DNAH17: variants seen among roughly 807,000 people sequenced by gnomAD.
DNAH17 encodes the protein dynein axonemal heavy chain 17, also known as axonemal beta dynein heavy chain 17.
A neutral mutation model predicts 485.6 loss-of-function variants in DNAH17; 376 were observed. The ratio of observed to expected loss-of-function variants is 0.77; its 90% confidence interval spans 0.71 to 0.84. The LOEUF (loss-of-function observed/expected upper bound fraction) is 0.84, where lower values mean the gene tolerates loss of function less well. DNAH17 is among the 40% of genes least tolerant of loss of function. The pLI is 0.00. For missense variants in DNAH17, 6,370 were observed against 5,839.3 expected, an observed-to-expected ratio of 1.09 and a Z score of -2.96; for synonymous variants, 3,031 against 2,405.9, an observed-to-expected ratio of 1.26 and a Z score of -7.60.
In DNAH17 at chr17:78,480,841, C is replaced by G; in HGVS notation, c.7650-55G>C. ...GCCCCTGGCCTGGAGGAACCATCCC[C>G]TGCCCCCACTGTGCTCCCAAGAATG... On this transcript the variant is annotated intron_variant, in intron 48 of 80. Transcript: ENST00000389840. 3 of 1,239,414 alleles carry G rather than the reference C, an allele frequency of 2.4e-6. No individual in the cohort carries two copies. In the South Asian group the frequency reaches 3.8e-5, roughly 16 times the overall value. 76.8% of individuals were successfully genotyped at this position (1,239,414 alleles called of 1,614,324 possible). A position where few individuals can be genotyped will look rare whatever the true frequency, so the allele number is the denominator to read the frequency against.
At chr17:78,518,334 A>T (rs760217670) in intron 25 of DNAH17, among the ~76,000 whole-genome samples, 1 of 152,204 alleles carries the variant, frequency 6.6e-6, no homozygotes, top group Non-Finnish European at 1.5e-5. Context: ...AACAATAGAA[A>T]AAACAGAAGT....
At chr17:78,427,858 T>C (rs1258443749) in intron 77 of DNAH17, among the ~76,000 whole-genome samples, 3 of 149,024 alleles carry the variant, frequency 2.0e-5, no homozygotes, top group African/African-American at 5.0e-5. Context: ...AATCCCAGCC[T>C]GGGAGGCTGA....
intron 19 of DNAH17, 65 bp downstream of exon 19, chr17:78,537,234 C>G (rs899246413): frequency 6.7e-7 from 1 of 1,487,836 alleles, no homozygotes; most frequent in Non-Finnish European, 9.1e-7. Context: ...CGAGTTAGGG[C>G]GGCAACACCA....
rs1035524555 is a variant in DNAH17, at chr17:78,499,041, G to A, written c.5712C>T (p.Ile1904=). The change falls in exon 37 of 81, where the codon ATC becomes ATT. Residue 1904 remains isoleucine (I), a synonymous_variant. Coordinates refer to ENST00000389840, the MANE Select transcript of DNAH17 (RefSeq NM_173628.4). The part of the protein sequence containing the change: ...AWGCFDEFNR[I]SVEVLSVIAV... ...CAATCACAGACAAGACTTCCACTGA[G>A]ATGCGATTAAACTCGTCAAAGCAGC... is the stretch of plus-strand genomic sequence containing the variant. 6.2e-7 allele frequency: 1 copy of A among 1,611,230 alleles called. No individual in the cohort carries two copies. The highest frequency in any genetic ancestry group is 1.3e-5 in the African/African-American group (1 of 74,916).
At chr17:78,426,902 G>A (rs1428277860) in intron 78 of DNAH17, 24 bp downstream of exon 78, 3 of 1,582,384 alleles carry the variant, frequency 1.9e-6, no homozygotes, top group Non-Finnish European at 2.6e-6. Flanking sequence ...CCACGTCCCT[G>A]GGGCCGGGCT....
At position 78,569,487 on chromosome 17, in the gene DNAH17, A is replaced by G; in HGVS notation, c.1085T>C (p.Leu362Pro). 1 of 1,610,512 alleles carries G rather than the reference A, an allele frequency of 6.2e-7. No individual in the cohort carries two copies. The highest frequency in any genetic ancestry group is 1.3e-5 in the African/African-American group (1 of 75,032). ...FLSPEEVLKG[L>P]QGEIEEVLSG... ...CAGGACTTCCTCGATTTCACCTTGC[A>G]GGCCCTTCAGCACCTCTTCCGGGCT... Residue 362 changes from leucine (L) to proline (P), a missense_variant, in exon 8 of 81, where the codon CTG (leucine) becomes CCG (proline). Coordinates refer to ENST00000389840, the MANE Select transcript of DNAH17 (RefSeq NM_173628.4).
intron 47 of DNAH17, 42 bp from the exon 48 acceptor site, chr17:78,485,075 A>C (rs1378058887): frequency 6.4e-7 from 1 of 1,556,838 alleles, no homozygotes; most frequent in African/African-American, 1.4e-5. Context: ...GCGCCTCCTG[A>C]GCCAGAGCCT....
At chr17:78,532,409 T>C (rs971803462) in intron 20 of DNAH17, 73 bp downstream of exon 20, 2 of 1,505,290 alleles carry the variant, frequency 1.3e-6, no homozygotes, top group Non-Finnish European at 1.8e-6. Context: ...ACCCAAGTTT[T>C]AAAGCAAGCC....
intron 31 of DNAH17, among the ~76,000 whole-genome samples, chr17:78,504,560 AT>A (rs201292801): frequency 6.8e-6 from 1 of 147,250 alleles, no homozygotes; most frequent in East Asian, 2.0e-4. Flanking sequence ...TTTTCTCGAG[AT>A]TTTTTTTTCT....
At chr17:78,495,278 C>T (rs531561490) in intron 38 of DNAH17, among the ~76,000 whole-genome samples, 181 bp from the exon 39 acceptor site, 1 of 152,272 alleles carries the variant, frequency 6.6e-6, no homozygotes, top group Admixed American at 6.5e-5. Context: ...CCTCCTCCTC[C>T]CACATCATCC....
Position 78,458,593 on chromosome 17 carries a change from T to C in DNAH17, c.9949A>G (p.Thr3317Ala), listed in dbSNP as rs1357997085. ...KIKCQQEADA[T>A]NRVILLANRL... ...TTCGCCAGTAAGATCACCCTGTTCG[T>C]GGCATCGGCCTCTTGCTGACACTTG... Residue 3317 changes from threonine (T) to alanine (A), a missense_variant, in exon 62 of 81, where the codon ACG becomes GCG. Coordinates refer to ENST00000389840, the MANE Select transcript of DNAH17 (RefSeq NM_173628.4). The C allele has an allele frequency of 5.6e-6, 9 of 1,614,036 alleles. No individual in the cohort carries two copies. Among genetic ancestry groups the C allele is most frequent in the Non-Finnish European group, 6.8e-6 (8 of 1,179,892 alleles).
chr17:78,566,679 T>A lies in DNAH17; in HGVS notation c.1504A>T (p.Arg502Trp). ...DFEIKIQDLDRRLATIFCQGF... is the reference protein window; with the variant it reads ...DFEIKIQDLDWRLATIFCQGF... The stretch of plus-strand genomic sequence containing the variant: ...TGGCAAAAGATCGTGGCCAGCCTCC[T>A]ATCCAGGTCTTGGATTTTGATCTCA... Residue 502 changes from arginine (R) to tryptophan (W), a missense_variant, in exon 11 of 81, where the codon AGG becomes TGG. Physicochemically the swap from Arg to Trp is moderately radical, Grantham distance 101. Transcript: ENST00000389840. The A allele has an allele frequency of 6.2e-7, 1 of 1,610,846 alleles. No individual in the cohort carries two copies. The highest frequency in any genetic ancestry group is 8.5e-7 in the Non-Finnish European group (1 of 1,178,590).
At chr17:78,537,879 C>T (rs2091419407) in intron 18 of DNAH17, among the ~76,000 whole-genome samples, 4 of 152,198 alleles carry the variant, frequency 2.6e-5, no homozygotes, top group Admixed American at 2.6e-4. Context: ...TGGCTCATGC[C>T]TGTAATCCCA....
At chr17:78,424,480 G>A (rs1261029128) in intron 80 of DNAH17, 1 of 312,184 alleles carries the variant, frequency 3.2e-6, no homozygotes, top group Non-Finnish European at 6.0e-6. Context: ...AAATTACAGA[G>A]TAAAGTTCCC....
At chr17:78,500,899 G>A (rs2090264209) in intron 35 of DNAH17, 1 of 300,260 alleles carries the variant, frequency 3.3e-6, no homozygotes, top group Non-Finnish European at 6.1e-6. Flanking sequence ...GTGGCATTCA[G>A]GGAGGTGGGC....
Position 78,491,437 on chromosome 17 carries a change from G to A in DNAH17, c.6669+6C>T, listed in dbSNP as rs773269274. ...CCTTGGGGCTTAGAGTCCAGGGCCC[G>A]CGAACCTTGTTGTCATCCATGACTG... On this transcript the variant is annotated splice_donor_region_variant and intron_variant, in intron 43 of 80. Transcript: ENST00000389840. The A allele has an allele frequency of 3.6e-5, 58 of 1,611,616 alleles. No individual in the cohort carries two copies. Among genetic ancestry groups the A allele is most frequent in the African/African-American group, 8.0e-5 (6 of 74,894 alleles).
chr17:78,480,880 T>G (rs2089318200), intron 48 of DNAH17, 94 bp from the exon 49 acceptor site: 3 of 850,030 alleles, frequency 3.5e-6, no homozygotes, highest in Admixed American at 4.6e-5. Flanking sequence ...TCCTTATTAT[T>G]ATTTTTTTGA....
intron 14 of DNAH17, among the ~76,000 whole-genome samples, chr17:78,556,083 ATC>A (rs1356021750): frequency 3.3e-5 from 5 of 152,166 alleles, no homozygotes; most frequent in Admixed American, 1.3e-4. Flanking sequence ...ACATGTCTAT[ATC>A]TCTGTCTGTC....
intron 14 of DNAH17, among the ~76,000 whole-genome samples, chr17:78,553,327 A>G (rs2091951945): frequency 3.7e-5 from 3 of 80,588 alleles, no homozygotes; most frequent in Admixed American, 2.0e-4. Flanking sequence ...TTTAAGATGG[A>G]GTCTCACTCT....
Sources: gnomAD v4.1 joint callset for allele counts (sites outside exome capture counted in the v4.1 genomes callset) on GRCh38, gnomAD v4.1.1 for gene constraint, MANE v1.5 for transcripts, NCBI Gene and HGNC (gene_info 2026-07-23, HGNC 2026-07-21) for gene names.